Variants in GMDS observed in about 807,000 individuals in gnomAD.
GMDS encodes the protein GDP-mannose 4,6 dehydratase.
A neutral mutation model predicts 49.9 loss-of-function variants in GMDS; 20 were observed. That is an observed-to-expected ratio of 0.40 (90% CI 0.28 to 0.58). The LOEUF is 0.58. GMDS is among the 20% of genes least tolerant of loss of function. The probability of loss-of-function intolerance (pLI) is 0.42; values close to 1 mark genes in which losing one functional copy is unlikely to be tolerated. For synonymous variants in GMDS, 177 were observed against 178.6 expected (o/e 0.99, Z 0.07); for missense variants, 362 against 481.4 (o/e 0.75, Z 2.32).
At chr6:2,242,662 TG>T (rs1268354477) in intron 1 of GMDS, among the ~76,000 whole-genome samples, 1 of 152,230 alleles carries the variant, frequency 6.6e-6, no homozygotes, top group Non-Finnish European at 1.5e-5. Flanking sequence ...CACCACAGTC[TG>T]TATAACAAAA....
intron 8 of GMDS, 56 bp from the exon 9 acceptor site, chr6:1,726,568 T>C (rs1766600059): frequency 7.9e-7 from 1 of 1,272,966 alleles, no homozygotes; most frequent in Non-Finnish European, 1.2e-6. Flanking sequence ...CATTTGGCCA[T>C]GCTGTAGCAC....
At chr6:1,966,220 CATT>C (rs1159491550) in intron 4 of GMDS, among the ~76,000 whole-genome samples, 3 of 152,096 alleles carry the variant, frequency 2.0e-5, no homozygotes, top group Non-Finnish European at 4.4e-5. Context: ...TGGTTTCTAT[CATT>C]ATCTTTTTCT....
intron 4 of GMDS, among the ~76,000 whole-genome samples, chr6:2,014,550 A>C (rs1767779632): frequency 6.6e-6 from 1 of 152,090 alleles, no homozygotes; most frequent in Admixed American, 6.5e-5. Context: ...CTTTAGGGCA[A>C]CCACTGAAAA....
At chr6:1,661,791 G>T (rs552988514) in intron 9 of GMDS, among the ~76,000 whole-genome samples, 1 of 152,356 alleles carries the variant, frequency 6.6e-6, no homozygotes, top group Non-Finnish European at 1.5e-5. Flanking sequence ...GTGATGGGGG[G>T]TGCAGCCCTT....
intron 8 of GMDS, among the ~76,000 whole-genome samples, chr6:1,741,818 A>AAAAAG: frequency 6.7e-6 from 1 of 149,786 alleles, no homozygotes; most frequent in Non-Finnish European, 1.5e-5. Flanking sequence ...TCTCAAAAAA[A>AAAAAG]AAAAAAAAAA....
At chr6:2,174,841 T>C (rs1297754003) in intron 1 of GMDS, among the ~76,000 whole-genome samples, 1 of 152,050 alleles carries the variant, frequency 6.6e-6, no homozygotes, top group African/African-American at 2.4e-5. Context: ...AGTGCTAGCA[T>C]TATAGGCATG....
intron 9 of GMDS, among the ~76,000 whole-genome samples, chr6:1,701,004 C>T (rs28395469): frequency 6.4e-4 from 97 of 152,258 alleles, no homozygotes; most frequent in African/African-American, 2.3e-3. Context: ...ATGATGCCGC[C>T]GGGGTGACAA....
chr6:1,970,658 C>T (rs9503056), intron 4 of GMDS, among the ~76,000 whole-genome samples: 77 of 152,178 alleles, frequency 5.1e-4, no homozygotes, highest in African/African-American at 1.8e-3. Context: ...AAAAGGGAGG[C>T]CACAGGGATT....
chr6:1,962,728 G>T (rs928483407), intron 4 of GMDS, among the ~76,000 whole-genome samples: 1 of 151,742 alleles, frequency 6.6e-6, no homozygotes, highest in South Asian at 2.1e-4. Flanking sequence ...TTTAAATTGG[G>T]TCATTTGTTG....
chr6:1,777,856 C>T (rs530211037), intron 7 of GMDS, among the ~76,000 whole-genome samples: 1 of 152,184 alleles, frequency 6.6e-6, no homozygotes, highest in African/African-American at 2.4e-5. Context: ...AAGCTTTAAA[C>T]CTGTTAAAGA....
At chr6:2,113,383 C>G (rs1774660855) in intron 4 of GMDS, among the ~76,000 whole-genome samples, 1 of 152,056 alleles carries the variant, frequency 6.6e-6, no homozygotes. Context: ...GAAGTCATCA[C>G]TGAATATATC....
chr6:1,964,794 C>T (rs1215718912), intron 4 of GMDS, among the ~76,000 whole-genome samples: 1 of 152,142 alleles, frequency 6.6e-6, no homozygotes, highest in Non-Finnish European at 1.5e-5. Flanking sequence ...CGTCATTTAG[C>T]ATTAGGTATA....
chr6:1,761,912 A>G (rs1768173909), intron 7 of GMDS, among the ~76,000 whole-genome samples: 1 of 152,222 alleles, frequency 6.6e-6, no homozygotes, highest in Non-Finnish European at 1.5e-5. Flanking sequence ...GACGAAAAAA[A>G]AACTATAGGA....
Position 1,781,646 on chromosome 6 carries a change from G to GCC in GMDS, c.772-39062_772-39061dup, listed in dbSNP as rs541733245. 9.3e-3 allele frequency among the ~76,000 whole-genome samples: 1,422 copies of GCC among 152,154 alleles called. 16 individuals are homozygous for GCC. The highest frequency in any genetic ancestry group is 0.033 in the African/African-American group (1,350 of 41,474). ...ATGGCTCTTCCACACATGGCCTTAAGCCCTCTGAATTGTCAGCCGGGAGAA... is the reference window on the plus strand; with the variant it reads ...ATGGCTCTTCCACACATGGCCTTAAGCCCCCTCTGAATTGTCAGCCGGGAGAA... On this transcript the variant is annotated intron_variant, in intron 7 of 10. Transcript: ENST00000380815.
chr6:1,639,390 G>A (rs1581397496), intron 9 of GMDS, among the ~76,000 whole-genome samples: 2 of 152,356 alleles, frequency 1.3e-5, no homozygotes, highest in East Asian at 3.9e-4. Context: ...GGGTTGTGAG[G>A]AACGAGCAGA....
At chr6:1,654,059 C>T (rs888917313) in intron 9 of GMDS, among the ~76,000 whole-genome samples, 1 of 152,104 alleles carries the variant, frequency 6.6e-6, no homozygotes, top group Non-Finnish European at 1.5e-5. Flanking sequence ...CATGAGATAC[C>T]ATCTCATACC....
intron 7 of GMDS, among the ~76,000 whole-genome samples, chr6:1,781,786 G>A (rs899001592): frequency 5.3e-5 from 8 of 152,080 alleles, no homozygotes; most frequent in East Asian, 1.9e-4. Flanking sequence ...AATGGTCATG[G>A]GGGCCTTTGT....
intron 7 of GMDS, among the ~76,000 whole-genome samples, chr6:1,875,718 T>C (rs1374116435): frequency 6.6e-6 from 1 of 152,342 alleles, no homozygotes; most frequent in Non-Finnish European, 1.5e-5. Context: ...ACATTGTTAA[T>C]CACATGTTTA....
At chr6:1,852,593 A>T (rs1228475106) in intron 7 of GMDS, among the ~76,000 whole-genome samples, 12 of 152,188 alleles carry the variant, frequency 7.9e-5, no homozygotes, top group Non-Finnish European at 1.3e-4. Context: ...TTGCTTTGAA[A>T]ATTTAGCATT....
Sources: allele counts gnomAD v4.1 joint callset (sites outside exome capture counted in the v4.1 genomes callset), GRCh38; gene constraint gnomAD v4.1.1; transcripts MANE v1.5; gene names NCBI Gene and HGNC (gene_info 2026-07-23, HGNC 2026-07-21).